The following RBM44 variants were observed in gnomAD, a reference collection of about 807,000 sequenced individuals.
RBM44 encodes RNA binding motif protein 44.
In RBM44, 66 loss-of-function variants were observed where a neutral mutation model predicts 105.1. That is an observed-to-expected ratio of 0.63 (90% CI 0.52 to 0.77). RBM44 has a LOEUF of 0.77. RBM44 is among the 30% of genes least tolerant of loss of function. The pLI is 0.00. For missense variants in RBM44, 1,122 were observed against 1,207.8 expected, an observed-to-expected ratio of 0.93 and a Z score of 1.05; for synonymous variants, 365 against 417.6, an observed-to-expected ratio of 0.87 and a Z score of 1.54.
chr2:237,808,483 A>G (rs77408441), intron 1 of RBM44, among the ~76,000 whole-genome samples: 2 of 149,786 alleles, frequency 1.3e-5, no homozygotes, highest in African/African-American at 2.5e-5. Context: ...GCATAACAGA[A>G]AAAAAAAAAA....
At chr2:237,832,282 G>A (rs2061911697) in intron 13 of RBM44, among the ~76,000 whole-genome samples, 1 of 151,748 alleles carries the variant, frequency 6.6e-6, no homozygotes, top group Non-Finnish European at 1.5e-5. Flanking sequence ...AGCCTCCCAA[G>A]TAGCTGGGAC....
Position 237,834,318 on chromosome 2 carries a change from C to T in RBM44, c.3073C>T (p.His1025Tyr). ...INALQEVRIR[H>Y]KGFLNGLSIT... ...TGCACTTCAGGAAGTGAGAATAAGA[C>T]ATAAAGGTTTTCTGAATGGCTTATC... Residue 1025 changes from histidine to tyrosine, a missense_variant, in exon 15 of 16, where the codon CAT becomes TAT. Physicochemically the swap from His to Tyr is moderately conservative, Grantham distance 83 (BLOSUM62 2). This residue lies in a region of RBM44 where 194 missense variants were observed against 225.5 expected (regional missense o/e 0.86). Transcript: ENST00000316997. 6.3e-7 allele frequency: 1 copy of T among 1,579,326 alleles called. No individual in the cohort carries two copies. Among genetic ancestry groups the T allele is most frequent in the Non-Finnish European group, 8.6e-7 (1 of 1,161,222 alleles).
At chr2:237,830,715 T>C (rs1183860720) in intron 13 of RBM44, among the ~76,000 whole-genome samples, 1 of 152,214 alleles carries the variant, frequency 6.6e-6, no homozygotes, top group Non-Finnish European at 1.5e-5. Context: ...CAATTGACCA[T>C]GTTTGTGTGA....
intron 4 of RBM44, among the ~76,000 whole-genome samples, chr2:237,819,848 A>T (rs574443886): frequency 5.0e-4 from 76 of 152,040 alleles, no homozygotes; most frequent in African/African-American, 1.7e-3. Flanking sequence ...TTGATTCTGG[A>T]TAAATAAGGT....
chr2:237,811,375 C>T (rs1375259348), intron 1 of RBM44, among the ~76,000 whole-genome samples: 3 of 152,022 alleles, frequency 2.0e-5, no homozygotes, highest in Non-Finnish European at 2.9e-5. Flanking sequence ...CTCAAGTGAT[C>T]GTCTCACCCC....
In RBM44 at chr2:237,818,158, A is replaced by G. The variant is rs375211584; in HGVS notation, c.1239A>G (p.Leu413=). 51 of 1,613,132 alleles carry G rather than the reference A, an allele frequency of 3.2e-5. No homozygotes were observed. The highest frequency in any genetic ancestry group is 4.2e-5 in the Non-Finnish European group (50 of 1,179,482). ...ADSALDFSAM[L]PKIAVRDNQA... is the part of the protein sequence containing the mutation. ...CAGCCTTAGATTTTTCTGCTATGCTACCAAAGATCGCAGTCAGAGATAATC... is the reference window on the plus strand; with the variant it reads ...CAGCCTTAGATTTTTCTGCTATGCTGCCAAAGATCGCAGTCAGAGATAATC... Residue 413 remains leucine (L), a synonymous_variant, in exon 3 of 16, where the codon CTA becomes CTG. Coordinates refer to ENST00000316997, the MANE Select transcript of RBM44 (RefSeq NM_001080504.3). The surrounding 1 kb of genome is among the most constrained non-coding windows in gnomAD (Gnocchi z 4.6).
Position 237,821,082 on chromosome 2 carries a change from G to A in RBM44, c.1925G>A (p.Ser642Asn). 1 of 1,581,106 alleles carries A rather than the reference G, an allele frequency of 6.3e-7. No homozygotes were observed. Among genetic ancestry groups the A allele is most frequent in the Non-Finnish European group, 8.5e-7 (1 of 1,171,106 alleles). Residue 642 changes from serine (S) to asparagine (N), a missense_variant, in exon 6 of 16, where the codon AGT (serine) becomes AAT (asparagine). By Grantham distance (46) the Ser-to-Asn change is conservative (BLOSUM62 1). Around this residue, in one of 3 missense-constraint regions of RBM44, gnomAD observed 918 missense variants for 955.3 expected, o/e 0.96. Transcript: ENST00000316997. ...CAACTTTTGAACAGGAATTTATCAA[G>A]TAATTCTGCTAAGAAGGAATTGGGA... Reference protein sequence around the residue: ...NREGLNMNLSSNSAKKELGSA... With the variant: ...NREGLNMNLSNNSAKKELGSA...
intron 1 of RBM44, 53 bp from the exon 2 acceptor site, chr2:237,813,539 T>A: frequency 2.0e-6 from 2 of 991,400 alleles, no homozygotes; most frequent in East Asian, 5.4e-5. Flanking sequence ...TATGTAGTTG[T>A]CAATTTATGC....
Position 237,824,437 on chromosome 2 carries a change from T to C in RBM44, c.2449+18T>C. On this transcript the variant is annotated intron_variant, in intron 10 of 15. Coordinates refer to ENST00000316997, the MANE Select transcript of RBM44 (RefSeq NM_001080504.3). ...TACAGGAGGTTGGTTCTCAAGAATT[T>C]ACCGAGAAATCCTAACCTAGATCAT... is the stretch of plus-strand genomic sequence containing the variant. The C allele has an allele frequency of 6.2e-7, 1 of 1,606,736 alleles. No individual in the cohort carries two copies. Among genetic ancestry groups the C allele is most frequent in the Non-Finnish European group, 8.5e-7 (1 of 1,175,032 alleles).
chr2:237,829,178 T>C, intron 12 of RBM44, 39 bp from the exon 13 acceptor site: 1 of 1,503,408 alleles, frequency 6.7e-7, no homozygotes, highest in Non-Finnish European at 9.0e-7. Context: ...TAATTTGAAG[T>C]CATTAACAAC....
intron 10 of RBM44, among the ~76,000 whole-genome samples, chr2:237,826,064 A>G (rs2061845062): frequency 6.6e-6 from 1 of 152,160 alleles, no homozygotes; most frequent in South Asian, 2.1e-4. Context: ...GGTTGTGAGA[A>G]TTACATGAGA....
At chr2:237,823,727 G>T (rs1300527426) in intron 9 of RBM44, among the ~76,000 whole-genome samples, 173 bp downstream of exon 9, 1 of 152,006 alleles carries the variant, frequency 6.6e-6, no homozygotes, top group Non-Finnish European at 1.5e-5. Flanking sequence ...CATCTTTAAG[G>T]TTGCCTAATA....
intron 10 of RBM44, among the ~76,000 whole-genome samples, chr2:237,824,845 C>T (rs1576511365): frequency 6.6e-6 from 1 of 152,222 alleles, no homozygotes; most frequent in East Asian, 1.9e-4. Flanking sequence ...GGGATGTTTT[C>T]ATTTTTAGAT....
intron 10 of RBM44, among the ~76,000 whole-genome samples, chr2:237,824,791 TTAA>T (rs891324586): frequency 3.0e-4 from 46 of 152,186 alleles, no homozygotes; most frequent in African/African-American, 1.1e-3. Context: ...CAAATTGGTG[TTAA>T]TGATGAAAAC....
At chr2:237,819,294 A>G (rs1331034829) in intron 4 of RBM44, among the ~76,000 whole-genome samples, 1 of 152,050 alleles carries the variant, frequency 6.6e-6, no homozygotes, top group Non-Finnish European at 1.5e-5. Context: ...TATGTCATTT[A>G]TTTGGAGAAG....
chr2:237,835,976 C>T (rs574458280), intron 15 of RBM44, among the ~76,000 whole-genome samples: 3 of 152,216 alleles, frequency 2.0e-5, no homozygotes, highest in South Asian at 4.2e-4. Context: ...TAGCAAGATG[C>T]CCAGAAGATC....
intron 1 of RBM44, among the ~76,000 whole-genome samples, chr2:237,804,224 A>G (rs1371945170): frequency 6.6e-6 from 1 of 152,176 alleles, no homozygotes; most frequent in Non-Finnish European, 1.5e-5. Context: ...GGTTGATTCT[A>G]TGTCTTTGCT....
rs1230583005 is a variant in RBM44, at chr2:237,823,440, A to T, written c.2206A>T (p.Met736Leu). The T allele has an allele frequency of 7.4e-7, 1 of 1,351,718 alleles. No homozygotes were observed. Among genetic ancestry groups the T allele is most frequent in the Admixed American group, 2.1e-5 (1 of 47,880 alleles). The allele number at this position is 1,351,718 out of a possible 1,614,324, so 83.7% of individuals were successfully genotyped here. Residue 736 changes from methionine to leucine, a missense_variant and splice_region_variant, in exon 9 of 16, where the codon ATG becomes TTG. Coordinates refer to ENST00000316997, the MANE Select transcript of RBM44 (RefSeq NM_001080504.3). ...TTGTTTTTATTATCTTAATCCTCAG[A>T]TGTCTTTATCATCTGACAATAGTCA... ...SSNLKKTLSQ[M>L]SLSSDNSHAT...
rs773946666 is a variant in RBM44 at position 237,829,444 on chromosome 2, G to C, written c.2828G>C (p.Arg943Thr). The change falls in exon 13 of 16, where the codon AGA becomes ACA. Residue 943 changes from arginine to threonine, a missense_variant. This residue lies in a region of RBM44 where 194 missense variants were observed against 225.5 expected (regional missense o/e 0.86). Transcript: ENST00000316997. Reference sequence around the variant, plus strand: ...GAATTCTCCATTTCTAGATTGCCCAGAACTAGGCCACGGCAGCTGGGTTCT... The same window carrying C: ...GAATTCTCCATTTCTAGATTGCCCACAACTAGGCCACGGCAGCTGGGTTCT... ...HSEFSISRLP[R>T]TRPRQLGSEQ... 4.3e-6 allele frequency: 7 copies of C among 1,613,588 alleles called. No individual in the cohort carries two copies. In the African/African-American group the frequency reaches 9.3e-5, roughly 22 times the overall value.
Sources: gnomAD v4.1 joint callset for allele counts (sites outside exome capture counted in the v4.1 genomes callset) on GRCh38, gnomAD v4.1.1 for gene constraint, gnomAD v4.1.1 regional missense constraint, Gnocchi (gnomAD v3.1) non-coding constraint, MANE v1.5 for transcripts, NCBI Gene and HGNC (gene_info 2026-07-23, HGNC 2026-07-21) for gene names.